RUNX1: variants seen among roughly 807,000 people sequenced by gnomAD.
RUNX1 encodes RUNX family transcription factor 1, also known as runt-related transcription factor 1.
RUNX1 carries 19 observed loss-of-function variants against 42.8 expected under a neutral mutation model. That is an observed-to-expected ratio of 0.44 (90% CI 0.31 to 0.65). RUNX1 has a LOEUF of 0.65. RUNX1 is among the 30% of genes least tolerant of loss of function. The probability of loss-of-function intolerance (pLI) is 0.07; values close to 1 mark genes in which losing one functional copy is unlikely to be tolerated. For synonymous variants in RUNX1, 271 were observed against 289.4 expected, an observed-to-expected ratio of 0.94 and a Z score of 0.64; for missense variants, 528 against 672.0, an observed-to-expected ratio of 0.79 and a Z score of 2.37.
rs542887084 is a variant in RUNX1, at chr21:34,859,459, A to G, written c.613+15T>C. On this transcript the variant is annotated intron_variant, in intron 6 of 8. Coordinates refer to ENST00000675419, the MANE Select transcript of RUNX1 (RefSeq NM_001754.5). ...CAGCCTGGAGGGTGTACCAGCCCCA[A>G]GTGGATGCACTTACTTCGAGGTTCT... 2.5e-5 allele frequency: 40 copies of G among 1,571,584 alleles called. No individual in the cohort carries two copies. The South Asian group carries it at 3.7e-4, about 14-fold the overall frequency.
chr21:34,964,015 G>A lies in RUNX1; in HGVS notation c.59-71052C>T, dbSNP rs7280636. On this transcript the variant is annotated intron_variant, in intron 2 of 8. Transcript: ENST00000675419. ...TCATTCATTCATTCATTCATTCCAG[G>A]TTTTACCCCTGTACTCACAGAACTG... is the stretch of plus-strand genomic sequence containing the variant. Among the ~76,000 whole-genome samples the A allele has an allele frequency of 6.2e-3, 942 of 152,244 alleles. 9 individuals are homozygous for A. The highest frequency in any genetic ancestry group is 0.022 in the African/African-American group (905 of 41,524).
intron 2 of RUNX1, among the ~76,000 whole-genome samples, chr21:34,918,963 T>G (rs889109583): frequency 6.6e-6 from 1 of 152,024 alleles, no homozygotes; most frequent in African/African-American, 2.4e-5. Context: ...GACAGTAGAG[T>G]GTATTTTGAG....
rs2058233238 is a variant in RUNX1, at chr21:34,907,588, T to C, written c.59-14625A>G. On this transcript the variant is annotated intron_variant, in intron 2 of 8. Transcript: ENST00000675419. The surrounding 1 kb of genome is among the most constrained non-coding windows in gnomAD (Gnocchi z 5.3). ...TTAGTACTCAATTTGTTACTTGACT[T>C]GGTGTTTGGCTCCCTGTGACTCTCT... Among the ~76,000 whole-genome samples the C allele has an allele frequency of 6.6e-6, 1 of 152,150 alleles. No homozygotes were observed. The highest frequency in any genetic ancestry group is 2.1e-4 in the South Asian group (1 of 4,828).
chr21:34,888,668 C>G, intron 3 of RUNX1: 3 of 1,045,416 alleles, frequency 2.9e-6, no homozygotes, highest in Non-Finnish European at 3.5e-6. Flanking sequence ...GCGCCCGTCC[C>G]GCCCGCGCCC....
intron 5 of RUNX1, among the ~76,000 whole-genome samples, chr21:34,861,508 T>G (rs1050405172): frequency 1.3e-5 from 2 of 152,184 alleles, no homozygotes; most frequent in Non-Finnish European, 2.9e-5. Context: ...CAAGAACCCA[T>G]GAAGGTTATC....
intron 6 of RUNX1, among the ~76,000 whole-genome samples, chr21:34,857,881 T>C (rs2057517310): frequency 1.3e-5 from 2 of 152,178 alleles, no homozygotes; most frequent in Admixed American, 6.5e-5. Context: ...CCTGTCTGTG[T>C]CTATGGCCTG....
intron 2 of RUNX1, among the ~76,000 whole-genome samples, chr21:34,980,739 G>A (rs2058840616): frequency 6.6e-6 from 1 of 152,142 alleles, no homozygotes; most frequent in African/African-American, 2.4e-5. Flanking sequence ...TTGTGTGCCA[G>A]TGAACAGCCG....
At chr21:34,848,559 C>T (rs377738861) in intron 6 of RUNX1, among the ~76,000 whole-genome samples, 16 of 152,156 alleles carry the variant, frequency 1.1e-4, no homozygotes, top group Admixed American at 4.6e-4. Flanking sequence ...CTCAGCATCC[C>T]GAGTAGCTGG....
At chr21:34,805,349 C>A (rs575233252) in intron 7 of RUNX1, among the ~76,000 whole-genome samples, 1 of 152,140 alleles carries the variant, frequency 6.6e-6, no homozygotes, top group South Asian at 2.1e-4. Context: ...ATGACAGATA[C>A]CAAACCACAG....
intron 6 of RUNX1, among the ~76,000 whole-genome samples, chr21:34,854,474 A>C (rs1334644723): frequency 6.6e-6 from 1 of 151,912 alleles, no homozygotes; most frequent in African/African-American, 2.4e-5. Context: ...AATCCCAACT[A>C]CTCAGGAGGC....
At chr21:34,856,482 T>C (rs1468020249) in intron 6 of RUNX1, 2 of 518,158 alleles carry the variant, frequency 3.9e-6, no homozygotes, top group Non-Finnish European at 7.7e-6. Context: ...ACAGACAGTA[T>C]GGTATGGATA....
chr21:35,035,397 G>A (rs1202973194), intron 2 of RUNX1, among the ~76,000 whole-genome samples: 1 of 152,196 alleles, frequency 6.6e-6, no homozygotes, highest in East Asian at 1.9e-4. Flanking sequence ...TCACATCACA[G>A]AGAGGCCAGA....
chr21:34,788,510 A>G lies in RUNX1; in HGVS notation c.*3625T>C, dbSNP rs757681312. 2.6e-5 allele frequency: 6 copies of G among 233,046 alleles called. No homozygotes were observed. The highest frequency in any genetic ancestry group is 4.2e-5 in the Non-Finnish European group (5 of 117,824). The allele number at this position is 233,046 out of a possible 1,614,324, so 14.4% of individuals were successfully genotyped here. On this transcript the variant is annotated 3_prime_UTR_variant, in exon 9 of 9. Transcript: ENST00000675419. ...AGTAGAAAGAAGCATTTTTTTCCCT[A>G]CAGTATTTAGCAAACCTAAGAAAAA...
chr21:34,829,024 G>C (rs749491218), intron 7 of RUNX1, among the ~76,000 whole-genome samples: 60 of 152,156 alleles, frequency 3.9e-4, no homozygotes, highest in Non-Finnish European at 7.5e-4. Flanking sequence ...GTGGTCCTAG[G>C]ATCTGCTAGT....
chr21:34,816,663 C>T (rs2145978887), intron 7 of RUNX1, among the ~76,000 whole-genome samples: 1 of 151,910 alleles, frequency 6.6e-6, no homozygotes, highest in South Asian at 2.1e-4. Context: ...GGTGAGGTGC[C>T]CTGAAGAATG....
Position 34,973,696 on chromosome 21 carries a change from G to T in RUNX1, c.58+75146C>A, listed in dbSNP as rs191257677. ...CATGTCATAGAAAACTCAGTTTGGA[G>T]ACACTTTATATTAAACCTTATTCCC... On this transcript the variant is annotated intron_variant, in intron 2 of 8. Transcript: ENST00000675419. Among the ~76,000 whole-genome samples, 447 of 152,272 alleles carry T rather than the reference G, an allele frequency of 2.9e-3. 3 individuals carry two copies. Among genetic ancestry groups the T allele is most frequent in the Admixed American group, 8.2e-3 (125 of 15,304 alleles).
chr21:34,892,753 A>G (rs1362542337), intron 3 of RUNX1, among the ~76,000 whole-genome samples, 172 bp downstream of exon 3: 2 of 152,208 alleles, frequency 1.3e-5, no homozygotes, highest in East Asian at 3.8e-4. Context: ...ATGGTATAAC[A>G]TTTACAATAT....
chr21:34,975,098 C>T (rs1214551530), intron 2 of RUNX1, among the ~76,000 whole-genome samples: 1 of 151,950 alleles, frequency 6.6e-6, no homozygotes, highest in Non-Finnish European at 1.5e-5. Context: ...TGCCCATATG[C>T]TAAAAGAGAA....
At chr21:34,933,237 G>A (rs762569981) in intron 2 of RUNX1, among the ~76,000 whole-genome samples, 1 of 152,190 alleles carries the variant, frequency 6.6e-6, no homozygotes, top group African/African-American at 2.4e-5. Context: ...AACCTTCAGT[G>A]CCCTTCTGCA....
Sources: gnomAD v4.1 joint callset for allele counts (sites outside exome capture counted in the v4.1 genomes callset) on GRCh38, gnomAD v4.1.1 for gene constraint, Gnocchi (gnomAD v3.1) non-coding constraint, MANE v1.5 for transcripts, NCBI Gene and HGNC (gene_info 2026-07-23, HGNC 2026-07-21) for gene names.